The following MGST1 variants were observed in gnomAD, a reference collection of about 807,000 sequenced individuals.
MGST1 encodes microsomal glutathione S-transferase 1.
A neutral mutation model predicts 8.9 loss-of-function variants in MGST1; 5 were observed. That is an observed-to-expected ratio of 0.56 (90% CI 0.29 to 1.19). The LOEUF (loss-of-function observed/expected upper bound fraction) is 1.19, where lower values mean the gene tolerates loss of function less well. Among genes scored for constraint, MGST1 ranks in the 50% most tolerant of loss-of-function variants. MGST1 has a pLI of 0.08. For missense variants in MGST1, 182 were observed against 187.4 expected (o/e 0.97, Z 0.17); for synonymous variants, 54 against 67.8 (o/e 0.80, Z 1.00).
chr12:16,554,561 T>G (rs1463894209), intron 4 of MGST1, among the ~76,000 whole-genome samples: 1 of 152,224 alleles, frequency 6.6e-6, no homozygotes, highest in African/African-American at 2.4e-5. Flanking sequence ...TACATCTCAC[T>G]GCTAACAACC....
At chr12:16,457,810 C>T (rs1941188035) in intron 4 of MGST1, among the ~76,000 whole-genome samples, 1 of 151,954 alleles carries the variant, frequency 6.6e-6, no homozygotes, top group South Asian at 2.1e-4. Context: ...TTATAATAGA[C>T]AGCTTTTCAT....
Position 16,510,743 on chromosome 12 carries a change from G to C in MGST1, n.483-78785G>C, listed in dbSNP as rs1941571507. On this transcript the variant is annotated intron_variant and non_coding_transcript_variant, in intron 4 of 4. Coordinates refer to the MGST1 transcript ENST00000538857. ...CAGGCAAACAATGACATTTATACTA[G>C]AGCTGAAGATAAAGTAAGTGTTGGG... 2.6e-5 allele frequency among the ~76,000 whole-genome samples: 4 copies of C among 152,286 alleles called. No individual in the cohort carries two copies. In the East Asian group the frequency reaches 5.8e-4, roughly 22 times the overall value.
intron 4 of MGST1, among the ~76,000 whole-genome samples, chr12:16,554,696 T>C (rs1441773893): frequency 6.6e-6 from 1 of 152,086 alleles, no homozygotes; most frequent in African/African-American, 2.4e-5. Context: ...ATAAAATACC[T>C]CTCTTGAAAT....
Position 16,551,232 on chromosome 12 carries a change from T to A in MGST1, n.483-38296T>A, listed in dbSNP as rs1565477501. 2.5e-6 allele frequency: 4 copies of A among 1,600,956 alleles called. No homozygotes were observed. In the Admixed American group the frequency reaches 6.7e-5, roughly 27 times the overall value. On this transcript the variant is annotated intron_variant and non_coding_transcript_variant, in intron 4 of 4. Coordinates refer to the MGST1 transcript ENST00000538857. Reference sequence around the variant, plus strand: ...GGTGATGTTGATAGATCAGCGAACCTGGGGTGCATAACCTTCTTTCATTAA... The same window carrying A: ...GGTGATGTTGATAGATCAGCGAACCAGGGGTGCATAACCTTCTTTCATTAA...
Position 16,496,638 on chromosome 12 carries a change from C to T in MGST1, n.483-92890C>T, listed in dbSNP as rs1941472281. On this transcript the variant is annotated intron_variant and non_coding_transcript_variant, in intron 4 of 4. Coordinates refer to the MGST1 transcript ENST00000538857. Reference sequence around the variant, plus strand: ...AACCCTGGACTCCTTCTCTCCCTCTCCCTTCTAGTAGTTCCCCATGTCTAT... The same window carrying T: ...AACCCTGGACTCCTTCTCTCCCTCTTCCTTCTAGTAGTTCCCCATGTCTAT... Among the ~76,000 whole-genome samples, 3 of 152,090 alleles carry T rather than the reference C, an allele frequency of 2.0e-5. No homozygotes were observed. In the East Asian group the frequency reaches 5.8e-4, roughly 29 times the overall value.
chr12:16,451,844 T>G (rs1435117551), intron 4 of MGST1, among the ~76,000 whole-genome samples: 1 of 151,950 alleles, frequency 6.6e-6, no homozygotes, highest in Non-Finnish European at 1.5e-5. Context: ...GTACCCTGAT[T>G]TAATACAGGT....
chr12:16,399,740 T>C, intron 1 of MGST1: 2 of 1,158,340 alleles, frequency 1.7e-6, no homozygotes, highest in East Asian at 4.7e-5. Context: ...TGAGGGACTG[T>C]ACTCCTTCTG....
At chr12:16,573,751 A>G (rs980559610) in intron 4 of MGST1, 1 of 152,204 alleles carries the variant, frequency 6.6e-6, no homozygotes, top group African/African-American at 2.4e-5. Flanking sequence ...TTGCAAAACA[A>G]GGCCGTTACA....
intron 4 of MGST1, among the ~76,000 whole-genome samples, chr12:16,462,191 T>G (rs144885963): frequency 2.0e-4 from 30 of 152,316 alleles, no homozygotes; most frequent in Non-Finnish European, 3.4e-4. Context: ...TATGCAGATA[T>G]GAATATGTTT....
At chr12:16,580,507 C>T (rs1423077613) in intron 4 of MGST1, among the ~76,000 whole-genome samples, 1 of 152,118 alleles carries the variant, frequency 6.6e-6, no homozygotes, top group East Asian at 1.9e-4. Flanking sequence ...TGGATTGGAT[C>T]TTGATTTGGA....
chr12:16,578,072 T>G (rs1943048494), intron 4 of MGST1, among the ~76,000 whole-genome samples: 1 of 152,100 alleles, frequency 6.6e-6, no homozygotes, highest in Admixed American at 6.6e-5. Context: ...TCATAAGAAA[T>G]ATATTCTGTC....
intron 1 of MGST1, among the ~76,000 whole-genome samples, chr12:16,407,468 G>A (rs1439412174): frequency 1.3e-5 from 2 of 152,152 alleles, no homozygotes; most frequent in East Asian, 1.9e-4. Flanking sequence ...GCTGGTGGGA[G>A]TGTAAATAAG....
intron 2 of MGST1, among the ~76,000 whole-genome samples, chr12:16,356,371 G>A (rs1939713188): frequency 6.6e-6 from 1 of 151,880 alleles, no homozygotes; most frequent in South Asian, 2.1e-4. Flanking sequence ...TTATTTAGGG[G>A]AGCACTACGA....
intron 4 of MGST1, among the ~76,000 whole-genome samples, chr12:16,535,383 T>C (rs1393640495): frequency 6.6e-6 from 1 of 152,124 alleles, no homozygotes; most frequent in African/African-American, 2.4e-5. Flanking sequence ...GGAAAGGTAA[T>C]GATATTTAGA....
At chr12:16,353,025 C>G (rs1939538337) in intron 1 of MGST1, among the ~76,000 whole-genome samples, 1 of 151,808 alleles carries the variant, frequency 6.6e-6, no homozygotes, top group East Asian at 1.9e-4. Flanking sequence ...GAAGCTATTA[C>G]TATTTCAATT....
chr12:16,560,556 T>TC lies in MGST1; in HGVS notation n.483-28972_483-28971insC. On this transcript the variant is annotated intron_variant and non_coding_transcript_variant, in intron 4 of 4. Transcript: ENST00000538857. This position sits in a 1 kb window ranked among gnomAD's most constrained non-coding sequence, Gnocchi z 5.0. Reference sequence around the variant, plus strand: ...CAAAGAGCCTAGAATAAGAAACATTTTTTTTTTTTTACAAACTCTTACAGA... The same window carrying TC: ...CAAAGAGCCTAGAATAAGAAACATTTCTTTTTTTTTTACAAACTCTTACAGA... 1 of 1,594,988 alleles carries TC rather than the reference T, an allele frequency of 6.3e-7. No individual in the cohort carries two copies. The highest frequency in any genetic ancestry group is 8.5e-7 in the Non-Finnish European group (1 of 1,172,138).
chr12:16,417,140 A>T (rs1480070417), intron 1 of MGST1, among the ~76,000 whole-genome samples: 1 of 152,196 alleles, frequency 6.6e-6, no homozygotes, highest in Non-Finnish European at 1.5e-5. Context: ...TGGGTAACTC[A>T]TAAGGGAAAG....
In MGST1 at chr12:16,585,835, A is replaced by G. The variant is rs1428570764; in HGVS notation, n.483-3693A>G. Among the ~76,000 whole-genome samples the G allele has an allele frequency of 2.0e-5, 3 of 152,212 alleles. No homozygotes were observed. Among genetic ancestry groups the G allele is most frequent in the Non-Finnish European group, 4.4e-5 (3 of 68,028 alleles). On this transcript the variant is annotated intron_variant and non_coding_transcript_variant, in intron 4 of 4. Coordinates refer to the MGST1 transcript ENST00000538857. This position sits in a 1 kb window ranked among gnomAD's most constrained non-coding sequence, Gnocchi z 4.7. Reference sequence around the variant, plus strand: ...GATCTGGGCTTCCCAGGAAACAAAGAAAAGAGGGAAAATGTCAACATGTAT... The same window carrying G: ...GATCTGGGCTTCCCAGGAAACAAAGGAAAGAGGGAAAATGTCAACATGTAT...
chr12:16,569,710 G>T (rs1225581789), intron 4 of MGST1, among the ~76,000 whole-genome samples: 2 of 152,000 alleles, frequency 1.3e-5, no homozygotes, highest in African/African-American at 2.4e-5. Context: ...TAGAATAAAA[G>T]AAATGTGTCA....
Sources: gnomAD v4.1 joint callset for allele counts (sites outside exome capture counted in the v4.1 genomes callset) on GRCh38, gnomAD v4.1.1 for gene constraint, Gnocchi (gnomAD v3.1) non-coding constraint, MANE v1.5 for transcripts, NCBI Gene and HGNC (gene_info 2026-07-23, HGNC 2026-07-21) for gene names.